The following PLEKHA4 variants were observed in gnomAD, a reference collection of about 807,000 sequenced individuals.
PLEKHA4 encodes pleckstrin homology domain-containing family A member 4.
A neutral mutation model predicts 94.7 loss-of-function variants in PLEKHA4; 73 were observed. The ratio of observed to expected loss-of-function variants is 0.77; its 90% confidence interval spans 0.64 to 0.94. The LOEUF (loss-of-function observed/expected upper bound fraction) is 0.94, where lower values mean the gene tolerates loss of function less well. Ranked by LOEUF, PLEKHA4 falls within the 40% of genes least tolerant of loss-of-function variation. The pLI, the probability that PLEKHA4 is intolerant of heterozygous loss-of-function variation, is 0.00. For synonymous variants in PLEKHA4, 449 were observed against 437.1 expected (o/e 1.03, Z -0.34); for missense variants, 1,049 against 1,054.1 (o/e 1.00, Z 0.07).
chr19:48,859,401 GC>G, intron 7 of PLEKHA4, 67 bp downstream of exon 7: 1 of 1,544,328 alleles, frequency 6.5e-7, no homozygotes, highest in Admixed American at 1.8e-5. Context: ...GCTAAGGCCC[GC>G]CCCCAACCAG....
Position 48,860,851 on chromosome 19 carries a change from G to GAA in PLEKHA4, c.367-394_367-393dup, listed in dbSNP as rs796511323. On this transcript the variant is annotated intron_variant, in intron 5 of 19. Transcript: ENST00000263265. ...AGAGAAAGAAAGAAAGAGAGAGAGA[G>GAA]AAAAAAAAAGGAAAGGAAAGGAAAA... Among the ~76,000 whole-genome samples the GAA allele has an allele frequency of 1.6e-3, 223 of 139,288 alleles. 1 individual carries two copies. Among genetic ancestry groups the GAA allele is most frequent in the Admixed American group, 2.5e-3 (33 of 13,390 alleles). 91.4% of individuals were successfully genotyped at this position (139,288 alleles called of 152,430 possible).
Position 48,867,701 on chromosome 19 carries a change from G to A in PLEKHA4, c.-6-75C>T. On this transcript the variant is annotated intron_variant, in intron 1 of 19. Transcript: ENST00000263265. This position sits in a 1 kb window ranked among gnomAD's most constrained non-coding sequence, Gnocchi z 4.7. ...ACAGAGATGGGGTCAGGGGCTTGGAGGTCGGAGGAGGCTGCAGAGAAAGAG... is the reference window on the plus strand; with the variant it reads ...ACAGAGATGGGGTCAGGGGCTTGGAAGTCGGAGGAGGCTGCAGAGAAAGAG... 5 of 1,364,082 alleles carry A rather than the reference G, an allele frequency of 3.7e-6. No homozygotes were observed. Among genetic ancestry groups the A allele is most frequent in the Non-Finnish European group, 5.1e-6 (5 of 986,754 alleles). 84.5% of individuals were successfully genotyped at this position (1,364,082 alleles called of 1,614,324 possible). A position where few individuals can be genotyped will look rare whatever the true frequency, so the allele number is the denominator to read the frequency against.
At chr19:48,859,277 T>G in intron 7 of PLEKHA4, 138 bp from the exon 8 acceptor site, 1 of 903,336 alleles carries the variant, frequency 1.1e-6, no homozygotes, top group Non-Finnish European at 1.7e-6. Context: ...CCTCCTCTAC[T>G]GTCCAAATCC....
At position 48,859,018 on chromosome 19, in the gene PLEKHA4, G is replaced by A. The variant is rs953299532; in HGVS notation, c.814C>T (p.Pro272Ser). The change falls in exon 8 of 20, where the codon CCG becomes TCG. Residue 272 changes from proline to serine, a missense_variant. Physicochemically the swap from Pro to Ser is moderately conservative, Grantham distance 74. Coordinates refer to ENST00000263265, the MANE Select transcript of PLEKHA4 (RefSeq NM_020904.3). Reference sequence around the variant, plus strand: ...GGTCGGACATCAATGCGACTCAACGGGGTGTGAGGTCGGGCAGGGGGTGCT... The same window carrying A: ...GGTCGGACATCAATGCGACTCAACGAGGTGTGAGGTCGGGCAGGGGGTGCT... ...DTAPPARPHTPLSRIDVRPPL... is the reference protein window; with the variant it reads ...DTAPPARPHTSLSRIDVRPPL... 2 of 1,573,102 alleles carry A rather than the reference G, an allele frequency of 1.3e-6. No homozygotes were observed. Among genetic ancestry groups the A allele is most frequent in the Non-Finnish European group, 1.7e-6 (2 of 1,165,190 alleles).
intron 6 of PLEKHA4, chr19:48,860,061 A>G (rs750296025): frequency 4.6e-5 from 26 of 564,580 alleles, no homozygotes; most frequent in Admixed American, 2.6e-4. Flanking sequence ...CTTCAGAAGG[A>G]GCCAATCAGA....
intron 17 of PLEKHA4, among the ~76,000 whole-genome samples, chr19:48,840,319 G>A (rs2122881576): frequency 6.6e-6 from 1 of 151,808 alleles, no homozygotes; most frequent in East Asian, 1.9e-4. Flanking sequence ...GGAGGCTGAG[G>A]CATGAAAATC....
rs867584380 is a variant in PLEKHA4 at position 48,837,716 on chromosome 19, G to A, written c.2078-165C>T. Among the ~76,000 whole-genome samples the A allele has an allele frequency of 3.4e-5, 5 of 149,232 alleles. No individual in the cohort carries two copies. Among genetic ancestry groups the A allele is most frequent in the Non-Finnish European group, 5.9e-5 (4 of 67,310 alleles). On this transcript the variant is annotated intron_variant, in intron 19 of 19. Transcript: ENST00000263265. The surrounding 1 kb of genome is among the most constrained non-coding windows in gnomAD (Gnocchi z 4.3). ...CTCCTCCCTCAGACCCAGGAGTCCAGGCCCCCAGCCCCTCCTCCCTCAGAT... is the reference window on the plus strand; with the variant it reads ...CTCCTCCCTCAGACCCAGGAGTCCAAGCCCCCAGCCCCTCCTCCCTCAGAT...
chr19:48,854,338 C>T, intron 9 of PLEKHA4, 74 bp from the exon 10 acceptor site: 1 of 1,331,488 alleles, frequency 7.5e-7, no homozygotes, highest in Non-Finnish European at 1.1e-6. Flanking sequence ...CTGAGCCACG[C>T]CCTGTCTCTA....
At position 48,839,071 on chromosome 19, in the gene PLEKHA4, C is replaced by T. The variant is rs959337925; in HGVS notation, c.1964+134G>A. 1.7e-5 allele frequency: 8 copies of T among 484,356 alleles called. No individual in the cohort carries two copies. The South Asian group carries it at 3.6e-4, about 22-fold the overall frequency. 30.0% of individuals were successfully genotyped at this position (484,356 alleles called of 1,614,324 possible). On this transcript the variant is annotated intron_variant, in intron 18 of 19. Coordinates refer to ENST00000263265, the MANE Select transcript of PLEKHA4 (RefSeq NM_020904.3). ...CTTTCTGGTTTTGTTGCAGATGCCC[C>T]GGGAACTTAAGCATCTCTAGAAGGG...
At position 48,847,911 on chromosome 19, in the gene PLEKHA4, A is replaced by G. The variant is rs1340519012; in HGVS notation, c.1555T>C (p.Ser519Pro). The G allele has an allele frequency of 1.3e-6, 2 of 1,574,950 alleles. No homozygotes were observed. Among genetic ancestry groups the G allele is most frequent in the Non-Finnish European group, 1.7e-6 (2 of 1,161,610 alleles). Residue 519 changes from serine (S) to proline (P), a missense_variant, in exon 14 of 20, where the codon TCA (serine) becomes CCA (proline). By Grantham distance (74) the Ser-to-Pro change is moderately conservative. Transcript: ENST00000263265. ...TATGTGCGTCTTACCTCCCTCTCTG[A>G]GGACTCCTCGCCCTGGAGCACGGGA... ...PSPVLQGEES[S>P]ERESLPESLE...
chr19:48,864,443 C>A (rs1184839512), intron 3 of PLEKHA4, among the ~76,000 whole-genome samples: 2 of 152,128 alleles, frequency 1.3e-5, no homozygotes, highest in Non-Finnish European at 2.9e-5. Flanking sequence ...GTTTGAATTA[C>A]CGGCATGACC....
chr19:48,848,190 G>GA (rs970235543), intron 13 of PLEKHA4, 150 bp from the exon 14 acceptor site: 11 of 962,526 alleles, frequency 1.1e-5, no homozygotes, highest in Admixed American at 4.9e-5. Flanking sequence ...CAGTTGAATT[G>GA]AAAAAAACTG....
intron 5 of PLEKHA4, 152 bp from the exon 6 acceptor site, chr19:48,860,611 C>T: frequency 3.2e-6 from 2 of 616,602 alleles, no homozygotes; most frequent in Non-Finnish European, 5.8e-6. Flanking sequence ...AATGAGACAC[C>T]CCCCTCCACC....
intron 3 of PLEKHA4, among the ~76,000 whole-genome samples, chr19:48,862,204 C>CTTTTTTTTTT (rs747491446): frequency 1.5e-5 from 2 of 135,522 alleles, no homozygotes; most frequent in Non-Finnish European, 3.2e-5. Context: ...TTTTCTCTCT[C>CTTTTTTTTTT]TTTTTTTTTT....
chr19:48,852,876 T>C (rs889368497), intron 12 of PLEKHA4, among the ~76,000 whole-genome samples: 3 of 151,844 alleles, frequency 2.0e-5, no homozygotes, highest in African/African-American at 7.3e-5. Flanking sequence ...GAAGTTGCAG[T>C]GAGCCTGGAT....
At chr19:48,852,137 G>A (rs1488262569) in intron 13 of PLEKHA4, 91 bp downstream of exon 13, 11 of 1,017,834 alleles carry the variant, frequency 1.1e-5, no homozygotes, top group Non-Finnish European at 1.7e-5. Flanking sequence ...GCGGGGCCTC[G>A]ATTCTGTGGG....
At chr19:48,838,933 G>A (rs186812854) in intron 18 of PLEKHA4, among the ~76,000 whole-genome samples, 1 of 152,104 alleles carries the variant, frequency 6.6e-6, no homozygotes, top group East Asian at 1.9e-4. Flanking sequence ...ATGCATTACG[G>A]GATTTGTAGT....
intron 3 of PLEKHA4, among the ~76,000 whole-genome samples, chr19:48,862,540 G>A (rs1363213682): frequency 2.0e-5 from 3 of 148,046 alleles, no homozygotes; most frequent in Non-Finnish European, 4.5e-5. Flanking sequence ...ATGGACTCTC[G>A]CTCTGTTGCC....
chr19:48,848,023 C>T lies in PLEKHA4; in HGVS notation c.1443G>A (p.Gln481=). The change falls in exon 14 of 20, where the codon CAG becomes CAA. Residue 481 remains glutamine, a synonymous_variant. Coordinates refer to ENST00000263265, the MANE Select transcript of PLEKHA4 (RefSeq NM_020904.3). ...TGTCTTCCACCATCCACAGCTGCTGCTGAGCAGACACTCTGTCCTGCAGGG... is the reference window on the plus strand; with the variant it reads ...TGTCTTCCACCATCCACAGCTGCTGTTGAGCAGACACTCTGTCCTGCAGGG... The part of the protein sequence containing the change: ...LGSPQDRVSA[Q]QQLWMVEDTL... 6.2e-7 allele frequency: 1 copy of T among 1,613,674 alleles called. No homozygotes were observed. Among genetic ancestry groups the T allele is most frequent in the Non-Finnish European group, 8.5e-7 (1 of 1,179,976 alleles).
Sources: allele counts gnomAD v4.1 joint callset (sites outside exome capture counted in the v4.1 genomes callset), GRCh38; gene constraint gnomAD v4.1.1; non-coding constraint Gnocchi (gnomAD v3.1); transcripts MANE v1.5; gene names NCBI Gene and HGNC (gene_info 2026-07-23, HGNC 2026-07-21).